ZIM3: variants seen among roughly 807,000 people sequenced by gnomAD.
ZIM3 encodes zinc finger protein 657.
A neutral mutation model predicts 12.9 loss-of-function variants in ZIM3; 11 were observed. The observed-to-expected ratio is 0.85, with a 90% CI of 0.54 to 1.41. The LOEUF (loss-of-function observed/expected upper bound fraction) is 1.41, where lower values mean the gene tolerates loss of function less well. Ranked by LOEUF, ZIM3 falls within the 40% of genes most tolerant of loss-of-function variation. ZIM3 has a pLI of 0.00. For synonymous variants in ZIM3, 205 were observed against 198.5 expected, an observed-to-expected ratio of 1.03 and a Z score of -0.28; for missense variants, 604 against 557.2, an observed-to-expected ratio of 1.08 and a Z score of -0.85.
At chr19:57,144,732 T>C (rs969327109) in intron 1 of ZIM3, 127 bp downstream of exon 1, 1 of 151,834 alleles carries the variant, frequency 6.6e-6, no homozygotes, top group Non-Finnish European at 1.5e-5. Flanking sequence ...AAACTACCAA[T>C]GTAAAATATT....
chr19:57,137,065 T>C (rs2370135), intron 3 of ZIM3, 94 bp from the exon 4 acceptor site: 751,150 of 1,145,618 alleles, frequency 0.66, 249,665 homozygotes, highest in East Asian at 0.93. Flanking sequence ...CGTATGCTTG[T>C]GTGAATATTT....
rs543523437 is a variant in ZIM3, at chr19:57,140,725, G to A, written c.15+1904C>T. 2.0e-4 allele frequency among the ~76,000 whole-genome samples: 31 copies of A among 152,094 alleles called. No homozygotes were observed. In the South Asian group the frequency reaches 2.7e-3, roughly 13 times the overall value. ...GGCCTCAAGTGGTCTTCCTGCCTTCGCCTCCCAAAGTGCTGGGATTACAGG... is the reference window on the plus strand; with the variant it reads ...GGCCTCAAGTGGTCTTCCTGCCTTCACCTCCCAAAGTGCTGGGATTACAGG... On this transcript the variant is annotated intron_variant, in intron 2 of 4. Coordinates refer to ENST00000269834, the MANE Select transcript of ZIM3 (RefSeq NM_052882.1).
intron 2 of ZIM3, among the ~76,000 whole-genome samples, chr19:57,140,471 C>T (rs1477558933): frequency 1.3e-5 from 2 of 151,052 alleles, no homozygotes; most frequent in Non-Finnish European, 2.9e-5. Context: ...CCACCGCACC[C>T]GGCCTTTTTT....
At position 57,135,431 on chromosome 19, in the gene ZIM3, A is replaced by T. The variant is rs200862171; in HGVS notation, c.906T>A (p.Thr302=). The change falls in exon 5 of 5, where the codon ACT becomes ACA. Residue 302 remains threonine (T), a synonymous_variant. Transcript: ENST00000269834. Reference sequence around the variant, plus strand: ...CCGTACATTGAAAGGGTTTTTGTCCAGTGTGAACTTTTTTATGTTGAATGA... The same window carrying T: ...CCGTACATTGAAAGGGTTTTTGTCCTGTGTGAACTTTTTTATGTTGAATGA... ...STLIQHKKVH[T]GQKPFQCTDC... is the part of the protein sequence containing the mutation. 23 of 1,614,140 alleles carry T rather than the reference A, an allele frequency of 1.4e-5. No homozygotes were observed. The African/African-American group carries it at 1.9e-4, about 13-fold the overall frequency.
chr19:57,143,267 C>T (rs1046390302), intron 1 of ZIM3, among the ~76,000 whole-genome samples: 2 of 151,014 alleles, frequency 1.3e-5, no homozygotes, highest in East Asian at 2.0e-4. Flanking sequence ...GGAGGCGGAG[C>T]TTGCAGTGAG....
Position 57,138,058 on chromosome 19 carries a change from G to GGAAGGAAGGAAGGAAA in ZIM3, c.142+413_142+414insTTTCCTTCCTTCCTTC, listed in dbSNP as rs1568458919. On this transcript the variant is annotated intron_variant, in intron 3 of 4. Coordinates refer to ENST00000269834, the MANE Select transcript of ZIM3 (RefSeq NM_052882.1). ...AAGAAGGAAGGAAGGAAGGAAAGAAGGAAGGAAGGAAGGAAGGAAAGAAGG... is the reference window on the plus strand; with the variant it reads ...AAGAAGGAAGGAAGGAAGGAAAGAAGGAAGGAAGGAAGGAAAGAAGGAAGGAAGGAAGGAAAGAAGG... Among the ~76,000 whole-genome samples, 403 of 44,630 alleles carry GGAAGGAAGGAAGGAAA rather than the reference G, an allele frequency of 9.0e-3. 74 individuals carry two copies. The highest frequency in any genetic ancestry group is 0.011 in the South Asian group (13 of 1,206). The allele number at this position is 44,630 out of a possible 152,430, so 29.3% of individuals were successfully genotyped here.
rs755019076 is a variant in ZIM3, at chr19:57,135,561, G to C, written c.776C>G (p.Ala259Gly). 2 of 1,613,844 alleles carry C rather than the reference G, an allele frequency of 1.2e-6. No homozygotes were observed. Among genetic ancestry groups the C allele is most frequent in the Admixed American group, 1.7e-5 (1 of 59,954 alleles). Residue 259 changes from alanine (A) to glycine (G), a missense_variant, in exon 5 of 5, where the codon GCC becomes GGC. Physicochemically the swap from Ala to Gly is moderately conservative, Grantham distance 60. Transcript: ENST00000269834. ...AATGCAGGATGATTTCCAGGAAAAG[G>C]CTTTTCCACATGTCTTACACTGATA... ...KPYQCKTCGKAFSWKSSCINH... is the reference protein window; with the variant it reads ...KPYQCKTCGKGFSWKSSCINH...
At chr19:57,136,224 T>A in intron 4 of ZIM3, 129 bp from the exon 5 acceptor site, 2 of 797,862 alleles carry the variant, frequency 2.5e-6, no homozygotes, top group Non-Finnish European at 4.0e-6. Context: ...AAACCAAAGT[T>A]AATATAAGCT....
rs1481260207 is a variant in ZIM3 at position 57,134,809 on chromosome 19, G to C, written c.*109C>G. 8.6e-7 allele frequency: 1 copy of C among 1,159,996 alleles called. No individual in the cohort carries two copies. Among genetic ancestry groups the C allele is most frequent in the Admixed American group, 2.5e-5 (1 of 40,070 alleles). The allele number at this position is 1,159,996 out of a possible 1,614,324, so 71.9% of individuals were successfully genotyped here. ...AAGGATACTGTGATAATAAGTCCTC[G>C]CTACCTTCAAAAATAGCCTCCAAAT... On this transcript the variant is annotated 3_prime_UTR_variant, in exon 5 of 5. Transcript: ENST00000269834.
At chr19:57,142,791 C>A in intron 1 of ZIM3, 106 bp from the exon 2 acceptor site, 1 of 845,738 alleles carries the variant, frequency 1.2e-6, no homozygotes, top group Non-Finnish European at 1.9e-6. Flanking sequence ...TCTCCCTAAC[C>A]CACTCAGAAA....
chr19:57,134,280 T>C lies in ZIM3; in HGVS notation c.*638A>G, dbSNP rs190728520. The C allele has an allele frequency of 1.3e-5, 2 of 152,466 alleles. No individual in the cohort carries two copies. The highest frequency in any genetic ancestry group is 3.9e-4 in the East Asian group (2 of 5,182). 9.4% of individuals were successfully genotyped at this position (152,466 alleles called of 1,614,324 possible). On this transcript the variant is annotated 3_prime_UTR_variant, in exon 5 of 5. Coordinates refer to ENST00000269834, the MANE Select transcript of ZIM3 (RefSeq NM_052882.1). The stretch of plus-strand genomic sequence containing the variant: ...AAAGTGCTGTCTTATTTGTTTATTT[T>C]ATTTTATCTTATTTTTGAGATGAAA...
Position 57,135,151 on chromosome 19 carries a change from A to T in ZIM3, c.1186T>A (p.Cys396Ser). Residue 396 changes from cysteine to serine, a missense_variant, in exon 5 of 5, where the codon TGT (cysteine) becomes AGT (serine). Cys to Ser is a moderately radical substitution (Grantham distance 112, BLOSUM62 -1). Transcript: ENST00000269834. ...TGEKPYECNRCGKAFFQKSNL... is the reference protein window; with the variant it reads ...TGEKPYECNRSGKAFFQKSNL... ...GACTTCTGAAAGAAGGCTTTTCCAC[A>T]TCTGTTACATTCATAGGGCTTTTCC... The T allele has an allele frequency of 6.2e-7, 1 of 1,614,164 alleles. No homozygotes were observed. The highest frequency in any genetic ancestry group is 8.5e-7 in the Non-Finnish European group (1 of 1,180,022).
intron 1 of ZIM3, among the ~76,000 whole-genome samples, chr19:57,143,189 G>A (rs1455236503): frequency 6.6e-6 from 1 of 152,040 alleles, no homozygotes; most frequent in Non-Finnish European, 1.5e-5. Flanking sequence ...AAATTAGCCA[G>A]GCGTGGTGGC....
chr19:57,135,050 G>A lies in ZIM3; in HGVS notation c.1287C>T (p.Ile429=). ...TATGCAAACTAAGGTTTAATTTCCG[G>A]ATGAAGGTTTTTCCACATTCACTAC... The part of the protein sequence containing the change: ...YRCSECGKTF[I]RKLNLSLHKK... The change falls in exon 5 of 5, where the codon ATC becomes ATT. Residue 429 remains isoleucine (I), a synonymous_variant. Coordinates refer to ENST00000269834, the MANE Select transcript of ZIM3 (RefSeq NM_052882.1). 1 of 1,614,102 alleles carries A rather than the reference G, an allele frequency of 6.2e-7. No individual in the cohort carries two copies. The highest frequency in any genetic ancestry group is 8.5e-7 in the Non-Finnish European group (1 of 1,180,026).
chr19:57,135,742 T>C lies in ZIM3; in HGVS notation c.595A>G (p.Ser199Gly), dbSNP rs761620269. ...HACQKPFECHSCGRAFGEKWK... is the reference protein window; with the variant it reads ...HACQKPFECHGCGRAFGEKWK... ...TTCTCCCCGAATGCTCTTCCACAGC[T>C]ATGACATTCAAAGGGTTTTTGACAG... is the stretch of plus-strand genomic sequence containing the variant. The change falls in exon 5 of 5, where the codon AGC becomes GGC. Residue 199 changes from serine (S) to glycine (G), a missense_variant. Ser to Gly is a moderately conservative substitution (Grantham distance 56, BLOSUM62 0). Coordinates refer to ENST00000269834, the MANE Select transcript of ZIM3 (RefSeq NM_052882.1). 1.9e-6 allele frequency: 3 copies of C among 1,614,056 alleles called. No homozygotes were observed. Among genetic ancestry groups the C allele is most frequent in the Non-Finnish European group, 2.5e-6 (3 of 1,180,026 alleles).
chr19:57,135,851 A>C lies in ZIM3; in HGVS notation c.486T>G (p.Phe162Leu), dbSNP rs1295230471. Reference sequence around the variant, plus strand: ...CATTACATTTCAGTTGTTGTCCTACAAATTTGGATGGATTATTGCCAACTA... The same window carrying C: ...CATTACATTTCAGTTGTTGTCCTACCAATTTGGATGGATTATTGCCAACTA... Reference protein sequence around the residue: ...RKLVGNNPSKFVGQQLKCNAC... With the variant: ...RKLVGNNPSKLVGQQLKCNAC... Residue 162 changes from phenylalanine to leucine, a missense_variant, in exon 5 of 5, where the codon TTT (phenylalanine) becomes TTG (leucine). Physicochemically the swap from Phe to Leu is conservative, Grantham distance 22 (BLOSUM62 0). Coordinates refer to ENST00000269834, the MANE Select transcript of ZIM3 (RefSeq NM_052882.1). The C allele has an allele frequency of 6.2e-7, 1 of 1,614,164 alleles. No homozygotes were observed. Among genetic ancestry groups the C allele is most frequent in the East Asian group, 2.2e-5 (1 of 44,872 alleles).
chr19:57,142,027 C>G (rs10417543), intron 2 of ZIM3, among the ~76,000 whole-genome samples: 69,051 of 151,838 alleles, frequency 0.45, 16,567 homozygotes, highest in South Asian at 0.56. Context: ...CATTTCTTCA[C>G]CTACGGCAGC....
Position 57,135,786 on chromosome 19 carries a change from C to G in ZIM3, c.551G>C (p.Ser184Thr), listed in dbSNP as rs368721312. ...KLFSSKSRLQ[S>T]HLRRHACQKP... ...TTGACAGGCATGCCTCCTCAGGTGA[C>G]TTTGAAGGCGTGACTTTGAACTGAA... The change falls in exon 5 of 5, where the codon AGT becomes ACT. Residue 184 changes from serine (S) to threonine (T), a missense_variant. By Grantham distance (58) the Ser-to-Thr change is moderately conservative. Transcript: ENST00000269834. 2 of 1,613,932 alleles carry G rather than the reference C, an allele frequency of 1.2e-6. No homozygotes were observed. Among genetic ancestry groups the G allele is most frequent in the African/African-American group, 2.7e-5 (2 of 74,886 alleles).
chr19:57,137,213 G>T (rs1340752885), intron 3 of ZIM3, among the ~76,000 whole-genome samples: 4 of 152,168 alleles, frequency 2.6e-5, no homozygotes, highest in South Asian at 4.2e-4. Context: ...GGCTGGGTGT[G>T]GCGGCTCATG....
Sources: gnomAD v4.1 joint callset for allele counts (sites outside exome capture counted in the v4.1 genomes callset) on GRCh38, gnomAD v4.1.1 for gene constraint, MANE v1.5 for transcripts, NCBI Gene and HGNC (gene_info 2026-07-23, HGNC 2026-07-21) for gene names.